RAB3C: variants seen among roughly 807,000 people sequenced by gnomAD.
RAB3C encodes the protein RAB3C, member RAS oncogene family, also known as ras-related protein Rab-3C.
Under a neutral mutation model 26.4 loss-of-function variants are expected in RAB3C, and 17 were observed. That is an observed-to-expected ratio of 0.64 (90% CI 0.44 to 0.97). The LOEUF (loss-of-function observed/expected upper bound fraction) is 0.97, where lower values mean the gene tolerates loss of function less well. RAB3C is among the 50% of genes least tolerant of loss of function. The probability of loss-of-function intolerance (pLI) is 0.00; values close to 1 mark genes in which losing one functional copy is unlikely to be tolerated. For missense variants in RAB3C, 242 were observed against 281.9 expected (o/e 0.86, Z 1.01); for synonymous variants, 91 against 95.9 (o/e 0.95, Z 0.30).
chr5:58,731,701 T>C (rs992078690), intron 3 of RAB3C, among the ~76,000 whole-genome samples: 1 of 152,168 alleles, frequency 6.6e-6, no homozygotes, highest in African/African-American at 2.4e-5. Context: ...TTATGAATAA[T>C]GCATCTCAGG....
chr5:58,726,755 T>G (rs1740899279), intron 3 of RAB3C, among the ~76,000 whole-genome samples: 1 of 152,038 alleles, frequency 6.6e-6, no homozygotes, highest in Non-Finnish European at 1.5e-5. Flanking sequence ...TTCTGACTCA[T>G]AGCTGCATGA....
chr5:58,813,050 G>T (rs1286488144), intron 3 of RAB3C, among the ~76,000 whole-genome samples: 1 of 152,110 alleles, frequency 6.6e-6, no homozygotes, highest in Non-Finnish European at 1.5e-5. Flanking sequence ...TTCCAGTTCT[G>T]TTATATGTTA....
intron 2 of RAB3C, among the ~76,000 whole-genome samples, chr5:58,721,563 T>G (rs533325210): frequency 9.9e-5 from 15 of 151,966 alleles, no homozygotes; most frequent in South Asian, 2.1e-4. Flanking sequence ...AAATGTTTTT[T>G]TCTTTCAGAT....
intron 3 of RAB3C, among the ~76,000 whole-genome samples, chr5:58,807,668 G>A (rs181344293): frequency 6.2e-4 from 94 of 151,926 alleles, no homozygotes; most frequent in Admixed American, 6.6e-4. Flanking sequence ...CTACAATGGT[G>A]GGGGGGCAAA....
At chr5:58,800,514 T>C (rs1421988450) in intron 3 of RAB3C, among the ~76,000 whole-genome samples, 3 of 152,218 alleles carry the variant, frequency 2.0e-5, no homozygotes, top group African/African-American at 7.2e-5. Flanking sequence ...TGGGTGTTTT[T>C]TAATGTTTAA....
At chr5:58,589,388 T>C (rs1415452781) in intron 1 of RAB3C, among the ~76,000 whole-genome samples, 1 of 152,184 alleles carries the variant, frequency 6.6e-6, no homozygotes, top group Non-Finnish European at 1.5e-5. Context: ...AATGCCTTCA[T>C]GAAGTTATAG....
chr5:58,626,558 T>C (rs1579824354), intron 2 of RAB3C, among the ~76,000 whole-genome samples: 1 of 152,192 alleles, frequency 6.6e-6, no homozygotes, highest in South Asian at 2.1e-4. Context: ...ATTATGGCTG[T>C]AAGATTTGTG....
At chr5:58,674,140 A>G (rs1245191103) in intron 2 of RAB3C, among the ~76,000 whole-genome samples, 23 of 152,196 alleles carry the variant, frequency 1.5e-4, no homozygotes, top group Non-Finnish European at 1.0e-4. Context: ...AAGGGAATAT[A>G]GAAATGGTAT....
At chr5:58,719,229 TAA>T (rs1244522264) in intron 2 of RAB3C, among the ~76,000 whole-genome samples, 1 of 152,040 alleles carries the variant, frequency 6.6e-6, no homozygotes, top group Non-Finnish European at 1.5e-5. Context: ...TACATTAGAA[TAA>T]GAGAGAAATA....
At chr5:58,789,739 G>A (rs548445826) in intron 3 of RAB3C, among the ~76,000 whole-genome samples, 44 of 152,276 alleles carry the variant, frequency 2.9e-4, no homozygotes, top group Non-Finnish European at 5.0e-4. Flanking sequence ...GAATAAGTGA[G>A]AAAAGGAACA....
rs866586063 is a variant in RAB3C at position 58,612,516 on chromosome 5, G to A, written c.25-5127G>A. Among the ~76,000 whole-genome samples, 43 of 41,050 alleles carry A rather than the reference G, an allele frequency of 1.0e-3. 1 individual carries two copies. The highest frequency in any genetic ancestry group is 2.8e-3 in the African/African-American group (32 of 11,384). The allele number at this position is 41,050 out of a possible 152,430, so 26.9% of individuals were successfully genotyped here. Reference sequence around the variant, plus strand: ...TGTGTGTGTGTGTGTGTGTGTGTGTGTGTGTATATATATATATATATATAT... The same window carrying A: ...TGTGTGTGTGTGTGTGTGTGTGTGTATGTGTATATATATATATATATATAT... On this transcript the variant is annotated intron_variant, in intron 1 of 4. Coordinates refer to ENST00000282878, the MANE Select transcript of RAB3C (RefSeq NM_138453.4).
Position 58,851,528 on chromosome 5 carries a change from T to C in RAB3C, c.*177T>C. 2.1e-6 allele frequency: 1 copy of C among 478,012 alleles called. No individual in the cohort carries two copies. Among genetic ancestry groups the C allele is most frequent in the Non-Finnish European group, 3.6e-6 (1 of 277,998 alleles). The allele number at this position is 478,012 out of a possible 1,614,324, so 29.6% of individuals were successfully genotyped here. A position where few individuals can be genotyped will look rare whatever the true frequency, so the allele number is the denominator to read the frequency against. ...TTTCCTGTTTAATATGTGGCAAATA[T>C]GTGATCTTAAATTTATAAGGACTAT... is the stretch of plus-strand genomic sequence containing the variant. On this transcript the variant is annotated 3_prime_UTR_variant, in exon 5 of 5. Coordinates refer to ENST00000282878, the MANE Select transcript of RAB3C (RefSeq NM_138453.4).
chr5:58,709,067 T>G (rs1749007677), intron 2 of RAB3C, among the ~76,000 whole-genome samples: 2 of 152,234 alleles, frequency 1.3e-5, no homozygotes, highest in African/African-American at 4.8e-5. Context: ...TATTTTCTGT[T>G]GATCTGGAAA....
At chr5:58,632,502 C>T (rs192288321) in intron 2 of RAB3C, among the ~76,000 whole-genome samples, 33 of 152,246 alleles carry the variant, frequency 2.2e-4, no homozygotes, top group Non-Finnish European at 3.8e-4. Context: ...TGTCTGTTCA[C>T]GGAGGGCTGA....
intron 3 of RAB3C, among the ~76,000 whole-genome samples, chr5:58,766,527 C>T (rs1020960251): frequency 2.0e-5 from 3 of 152,128 alleles, no homozygotes; most frequent in African/African-American, 7.2e-5. Context: ...CCTCGTAGCA[C>T]CTGAAATTTC....
chr5:58,583,027 G>A, upstream of RAB3C: 3 of 1,431,144 alleles, frequency 2.1e-6, no homozygotes, highest in Non-Finnish European at 2.7e-6. Flanking sequence ...AGGAGTGCAC[G>A]GGGCTCCTCG....
chr5:58,665,441 G>A (rs1441039439), intron 2 of RAB3C, among the ~76,000 whole-genome samples: 1 of 152,102 alleles, frequency 6.6e-6, no homozygotes, highest in Non-Finnish European at 1.5e-5. Flanking sequence ...TATTTAAGTA[G>A]TCCTACTGAG....
chr5:58,773,480 A>G (rs1170628464), intron 3 of RAB3C, among the ~76,000 whole-genome samples: 1 of 152,184 alleles, frequency 6.6e-6, no homozygotes, highest in Non-Finnish European at 1.5e-5. Context: ...TCTAACGGAT[A>G]GCAAAGAGTC....
At chr5:58,693,591 A>T (rs1216963071) in intron 2 of RAB3C, among the ~76,000 whole-genome samples, 1 of 152,132 alleles carries the variant, frequency 6.6e-6, no homozygotes, top group Non-Finnish European at 1.5e-5. Context: ...GGTAGAGCTG[A>T]GAAATTGAAA....
Sources: gnomAD v4.1 joint callset for allele counts (sites outside exome capture counted in the v4.1 genomes callset) on GRCh38, gnomAD v4.1.1 for gene constraint, MANE v1.5 for transcripts, NCBI Gene and HGNC (gene_info 2026-07-23, HGNC 2026-07-21) for gene names.